CCDC102B: variants seen among roughly 807,000 people sequenced by gnomAD.
CCDC102B encodes the protein coiled-coil domain containing 102B.
CCDC102B carries 75 observed loss-of-function variants against 57.4 expected under a neutral mutation model. The ratio of observed to expected loss-of-function variants is 1.31; its 90% confidence interval spans 1.08 to 1.58. The LOEUF (loss-of-function observed/expected upper bound fraction) is 1.58. Ranked by LOEUF, CCDC102B falls within the 40% of genes most tolerant of loss-of-function variation. The probability of loss-of-function intolerance (pLI) is 0.00; values close to 1 mark genes in which losing one functional copy is unlikely to be tolerated. For missense variants in CCDC102B, 636 were observed against 582.6 expected (o/e 1.09, Z -0.94); for synonymous variants, 206 against 201.9 (o/e 1.02, Z -0.17).
intron 6 of CCDC102B, among the ~76,000 whole-genome samples, chr18:68,944,248 A>G (rs2049469211): frequency 6.6e-6 from 1 of 151,948 alleles, no homozygotes; most frequent in South Asian, 2.1e-4. Context: ...GGGAAAAACA[A>G]GGCTGGGTAA....
chr18:68,735,240 G>A (rs935922402), intron 2 of CCDC102B, among the ~76,000 whole-genome samples: 1 of 151,048 alleles, frequency 6.6e-6, no homozygotes, highest in Non-Finnish European at 1.5e-5. Context: ...TTTTTTTTTA[G>A]GAGAGACAGG....
At chr18:68,802,965 T>G (rs1466606625) in intron 1 of CCDC102B, among the ~76,000 whole-genome samples, 1 of 152,220 alleles carries the variant, frequency 6.6e-6, no homozygotes, top group Non-Finnish European at 1.5e-5. Flanking sequence ...AATCTTCATC[T>G]TTTGTATATA....
At chr18:68,850,270 G>A (rs1161360545) in intron 4 of CCDC102B, among the ~76,000 whole-genome samples, 1 of 151,986 alleles carries the variant, frequency 6.6e-6, no homozygotes, top group Admixed American at 6.6e-5. Flanking sequence ...ATATTTTGAG[G>A]ACTTTGGCTT....
At chr18:68,745,727 C>T (rs182891494) in intron 2 of CCDC102B, among the ~76,000 whole-genome samples, 1 of 152,234 alleles carries the variant, frequency 6.6e-6, no homozygotes, top group Non-Finnish European at 1.5e-5. Flanking sequence ...AACCTACCTC[C>T]CTTCATGCCT....
chr18:68,905,594 AGCCCTG>A (rs2040600825), intron 6 of CCDC102B, among the ~76,000 whole-genome samples: 1 of 2,766 alleles, frequency 3.6e-4, no homozygotes, highest in Non-Finnish European at 8.4e-4. Flanking sequence ...CGCCCTGTCT[AGCCCTG>A]TCTATTTAAT....
At chr18:68,964,402 T>G (rs1439699264) in intron 6 of CCDC102B, among the ~76,000 whole-genome samples, 4 of 42,316 alleles carry the variant, frequency 9.5e-5, no homozygotes, top group East Asian at 3.3e-4. Flanking sequence ...AAGTTCAGGG[T>G]TTTTTTTTTT....
chr18:69,018,846 T>A (rs548785329), intron 7 of CCDC102B, among the ~76,000 whole-genome samples: 2 of 152,114 alleles, frequency 1.3e-5, no homozygotes, highest in African/African-American at 4.8e-5. Flanking sequence ...CCAAGAATAA[T>A]GCCAAGGAGA....
chr18:68,984,331 A>G (rs150366405), intron 6 of CCDC102B, among the ~76,000 whole-genome samples: 6 of 152,202 alleles, frequency 3.9e-5, no homozygotes, highest in African/African-American at 1.4e-4. Flanking sequence ...CACAAATTCA[A>G]CTATAGAAAT....
intron 7 of CCDC102B, among the ~76,000 whole-genome samples, chr18:69,029,847 T>C (rs1297654946): frequency 1.3e-5 from 2 of 152,202 alleles, no homozygotes; most frequent in Non-Finnish European, 2.9e-5. Flanking sequence ...AAAGACTGCT[T>C]ACTATTTTCA....
intron 7 of CCDC102B, among the ~76,000 whole-genome samples, chr18:69,014,958 T>TGA (rs748203787): frequency 0.094 from 10,778 of 114,336 alleles, 713 homozygotes; most frequent in African/African-American, 0.19. Flanking sequence ...TGTATGTGAA[T>TGA]GAGAGAGAGA....
At chr18:68,960,259 G>C (rs2050013246) in intron 6 of CCDC102B, among the ~76,000 whole-genome samples, 2 of 152,092 alleles carry the variant, frequency 1.3e-5, no homozygotes, top group Non-Finnish European at 2.9e-5. Context: ...GGTCCCTTCT[G>C]GTCTTCTGGG....
chr18:68,931,554 G>GT (rs2041673941), intron 6 of CCDC102B, among the ~76,000 whole-genome samples: 2 of 151,990 alleles, frequency 1.3e-5, no homozygotes, highest in South Asian at 4.1e-4. Flanking sequence ...AGGAGCCACA[G>GT]TTTATAAACA....
intron 1 of CCDC102B, among the ~76,000 whole-genome samples, chr18:68,829,505 T>C (rs768118717): frequency 6.6e-6 from 1 of 152,026 alleles, no homozygotes; most frequent in Admixed American, 6.6e-5. Context: ...AAATATTATA[T>C]GTACTTTTTG....
chr18:69,014,525 CT>C (rs2051607017), intron 7 of CCDC102B, among the ~76,000 whole-genome samples: 1 of 151,628 alleles, frequency 6.6e-6, no homozygotes, highest in Admixed American at 6.6e-5. Flanking sequence ...CCTATTTCCA[CT>C]TTTTATGTGG....
chr18:68,942,649 T>G (rs921627954), intron 6 of CCDC102B, among the ~76,000 whole-genome samples: 1 of 151,978 alleles, frequency 6.6e-6, no homozygotes. Context: ...ATGTCTCAAC[T>G]CCAGCCCTAA....
chr18:69,053,880 T>A (rs1405283337), intron 7 of CCDC102B, 150 bp from the exon 8 acceptor site: 1 of 586,560 alleles, frequency 1.7e-6, no homozygotes, highest in African/African-American at 2.0e-5. Flanking sequence ...TATGTACTAT[T>A]TCAAATACTT....
chr18:69,051,679 A>T (rs1275962427), intron 7 of CCDC102B, among the ~76,000 whole-genome samples: 1 of 151,944 alleles, frequency 6.6e-6, no homozygotes, highest in Non-Finnish European at 1.5e-5. Flanking sequence ...CAAATAAATT[A>T]TCAAAAAAAG....
upstream of CCDC102B, among the ~76,000 whole-genome samples, chr18:68,797,278 A>C (rs1350334748): frequency 1.3e-5 from 2 of 152,162 alleles, no homozygotes; most frequent in African/African-American, 4.8e-5. Flanking sequence ...GAAGACATTT[A>C]TTGCCTAAAT....
At chr18:68,924,418 G>C (rs1448378710) in intron 6 of CCDC102B, among the ~76,000 whole-genome samples, 1 of 151,964 alleles carries the variant, frequency 6.6e-6, no homozygotes, top group Admixed American at 6.6e-5. Context: ...TTGTGAAGAC[G>C]GTGTCTTGCT....
Sources: gnomAD v4.1 joint callset for allele counts (sites outside exome capture counted in the v4.1 genomes callset) on GRCh38, gnomAD v4.1.1 for gene constraint, MANE v1.5 for transcripts, NCBI Gene and HGNC (gene_info 2026-07-23, HGNC 2026-07-21) for gene names.